The following FMO5 variants were observed in gnomAD, a reference collection of about 807,000 sequenced individuals.
FMO5 encodes flavin-containing monooxygenase 5.
Under a neutral mutation model 43.6 loss-of-function variants are expected in FMO5, and 51 were observed. The observed-to-expected ratio is 1.17, with a 90% CI of 0.93 to 1.48. The LOEUF is 1.48. FMO5 is among the 40% of genes most tolerant of loss of function. The probability of loss-of-function intolerance (pLI) is 0.00; values close to 1 mark genes in which losing one functional copy is unlikely to be tolerated. For synonymous variants in FMO5, 187 were observed against 216.5 expected (o/e 0.86, Z 1.20); for missense variants, 644 against 643.0 (o/e 1.00, Z -0.02).
chr1:147,186,445 A>T lies in FMO5; in HGVS notation c.*455T>A. 1.1e-6 allele frequency: 1 copy of T among 919,518 alleles called. No individual in the cohort carries two copies. The allele number at this position is 919,518 out of a possible 1,614,324, so 57.0% of individuals were successfully genotyped here. A position where few individuals can be genotyped will look rare whatever the true frequency, so the allele number is the denominator to read the frequency against. ...TTATTTCTCTTATCTCTCAGGAAAC[A>T]TATTTAGTTATAATATGAAAAAAAA... On this transcript the variant is annotated 3_prime_UTR_variant, in exon 9 of 9. Coordinates refer to ENST00000254090, the MANE Select transcript of FMO5 (RefSeq NM_001461.4).
At chr1:147,198,962 A>T (rs151042796) in intron 7 of FMO5, among the ~76,000 whole-genome samples, 17 of 151,724 alleles carry the variant, frequency 1.1e-4, no homozygotes, top group Non-Finnish European at 1.8e-4. Context: ...ACTTCTTGTG[A>T]TCCAGAGATT....
At chr1:147,219,403 A>T (rs12133393) in intron 2 of FMO5, among the ~76,000 whole-genome samples, 21,729 of 152,008 alleles carry the variant, frequency 0.14, 1,513 homozygotes, top group South Asian at 0.18. Context: ...TTTTTCTTTT[A>T]TTTTTGTTAA....
rs1215489011 is a variant in FMO5 at position 147,206,468 on chromosome 1, G to GT, written c.830+2383dup. Among the ~76,000 whole-genome samples the GT allele has an allele frequency of 5.9e-5, 9 of 152,178 alleles. 1 individual carries two copies. The highest frequency in any genetic ancestry group is 2.2e-4 in the African/African-American group (9 of 41,432). ...GCTATAAAGACACATGCACACGTAT[G>GT]TTTATTGCGGCACTATTCACAATAG... On this transcript the variant is annotated intron_variant, in intron 6 of 8. Transcript: ENST00000254090.
chr1:147,187,701 C>T (rs1378943732), intron 8 of FMO5, among the ~76,000 whole-genome samples: 1 of 152,064 alleles, frequency 6.6e-6, no homozygotes, highest in Non-Finnish European at 1.5e-5. Flanking sequence ...TTCCCAGGGC[C>T]AATGTTAATT....
chr1:147,208,664 C>A, intron 6 of FMO5, 188 bp downstream of exon 6: 1 of 491,924 alleles, frequency 2.0e-6, no homozygotes, highest in Non-Finnish European at 3.7e-6. Context: ...GTCTCAAACT[C>A]CTGAGCTCAG....
intron 2 of FMO5, among the ~76,000 whole-genome samples, chr1:147,219,057 T>C (rs1468354258): frequency 6.6e-6 from 1 of 152,138 alleles, no homozygotes; most frequent in Non-Finnish European, 1.5e-5. Flanking sequence ...CAGGACCTGG[T>C]GTGTACTGGA....
chr1:147,224,912 C>T lies in FMO5; in HGVS notation c.118G>A (p.Gly40Arg). 1.2e-6 allele frequency: 2 copies of T among 1,614,060 alleles called. No individual in the cohort carries two copies. The highest frequency in any genetic ancestry group is 1.7e-6 in the Non-Finnish European group (2 of 1,179,996). ...VCFERTDDIG[G>R]LWRFQENPEE... ...GTATGTACCTGGAACCTCCAGAGCC[C>T]TCCGATGTCATCAGTCCTTTCAAAG... is the stretch of plus-strand genomic sequence containing the variant. The change falls in exon 2 of 9, where the codon GGG (glycine) becomes AGG (arginine). Residue 40 changes from glycine (G) to arginine (R), a missense_variant. Coordinates refer to ENST00000254090, the MANE Select transcript of FMO5 (RefSeq NM_001461.4).
upstream of FMO5, among the ~76,000 whole-genome samples, chr1:147,226,530 T>C (rs1553927876): frequency 6.6e-6 from 1 of 152,160 alleles, no homozygotes. Context: ...TATAAAGTCA[T>C]GTAGAACCAC....
chr1:147,218,262 A>G (rs1662357326), intron 2 of FMO5, among the ~76,000 whole-genome samples: 1 of 147,318 alleles, frequency 6.8e-6, no homozygotes, highest in Admixed American at 6.8e-5. Context: ...TTTGAGATGG[A>G]GTCTCACTCT....
At chr1:147,193,495 A>T (rs1553919015) in intron 7 of FMO5, among the ~76,000 whole-genome samples, 1 of 151,732 alleles carries the variant, frequency 6.6e-6, no homozygotes. Flanking sequence ...GTTTTTTGTG[A>T]CTTAATTTCC....
chr1:147,208,214 G>C (rs1331239470), intron 6 of FMO5, among the ~76,000 whole-genome samples: 4 of 152,012 alleles, frequency 2.6e-5, no homozygotes, highest in African/African-American at 9.7e-5. Context: ...ATGATGCCTG[G>C]CTCATAACAG....
At chr1:147,207,354 AT>A (rs1286614945) in intron 6 of FMO5, among the ~76,000 whole-genome samples, 5 of 152,298 alleles carry the variant, frequency 3.3e-5, no homozygotes, top group Admixed American at 1.3e-4. Context: ...CATTGTACTT[AT>A]TATTTTGCAA....
intron 6 of FMO5, among the ~76,000 whole-genome samples, chr1:147,201,946 A>T (rs1322983253): frequency 2.6e-5 from 4 of 152,202 alleles, no homozygotes; most frequent in Admixed American, 1.3e-4. Context: ...GATAAATTAC[A>T]TGTATGTAGC....
rs1182082905 is a variant in FMO5 at position 147,225,037 on chromosome 1, C to G, written c.-8G>C. 1 of 1,614,078 alleles carries G rather than the reference C, an allele frequency of 6.2e-7. No homozygotes were observed. Among genetic ancestry groups the G allele is most frequent in the East Asian group, 2.2e-5 (1 of 44,862 alleles). Reference sequence around the variant, plus strand: ...AATTCTTTTCTTAGTCATGGTCTCCCGAGATCTTCACCTGTTAGTGTCGCC... The same window carrying G: ...AATTCTTTTCTTAGTCATGGTCTCCGGAGATCTTCACCTGTTAGTGTCGCC... On this transcript the variant is annotated 5_prime_UTR_variant, in exon 2 of 9. Transcript: ENST00000254090.
chr1:147,200,507 G>A (rs1477892700), intron 7 of FMO5, among the ~76,000 whole-genome samples: 1 of 152,016 alleles, frequency 6.6e-6, no homozygotes, highest in East Asian at 1.9e-4. Flanking sequence ...TAATGTTCTA[G>A]AACATTATAG....
chr1:147,217,440 TCCTC>T (rs1662212732), intron 2 of FMO5, among the ~76,000 whole-genome samples: 1 of 152,124 alleles, frequency 6.6e-6, no homozygotes, highest in Admixed American at 6.5e-5. Context: ...TTGGATCTCC[TCCTC>T]CCTTTTTATT....
chr1:147,203,985 A>T, intron 6 of FMO5: 2 of 1,195,128 alleles, frequency 1.7e-6, no homozygotes, highest in Admixed American at 1.7e-5. Flanking sequence ...TCCCATTTTG[A>T]GTTTAGCTTC....
At chr1:147,223,000 TGTAA>T (rs1435242615) in intron 2 of FMO5, among the ~76,000 whole-genome samples, 3 of 152,234 alleles carry the variant, frequency 2.0e-5, no homozygotes, top group African/African-American at 7.2e-5. Context: ...CTGGCACTGT[TGTAA>T]GTGATTGGCA....
intron 5 of FMO5, chr1:147,211,132 C>A (rs1246813573): frequency 6.6e-6 from 1 of 152,132 alleles, no homozygotes; most frequent in Admixed American, 6.5e-5. Flanking sequence ...TGCATTTTCC[C>A]AGGCTTTCTC....
Sources: allele counts gnomAD v4.1 joint callset (sites outside exome capture counted in the v4.1 genomes callset), GRCh38; gene constraint gnomAD v4.1.1; transcripts MANE v1.5; gene names NCBI Gene and HGNC (gene_info 2026-07-23, HGNC 2026-07-21).